TMEM143: variants seen among roughly 807,000 people sequenced by gnomAD.
TMEM143 encodes the protein transmembrane protein 143.
In TMEM143, 45 loss-of-function variants were observed where a neutral mutation model predicts 40.3. That is an observed-to-expected ratio of 1.12 (90% CI 0.88 to 1.43). The LOEUF is 1.43. Ranked by LOEUF, TMEM143 falls within the 40% of genes most tolerant of loss-of-function variation. The probability of loss-of-function intolerance (pLI) is 0.00; values close to 1 mark genes in which losing one functional copy is unlikely to be tolerated. For synonymous variants in TMEM143, 299 were observed against 282.7 expected (o/e 1.06, Z -0.58); for missense variants, 620 against 613.4 (o/e 1.01, Z -0.11).
At chr19:48,336,887 G>A (rs1039621076) in intron 6 of TMEM143, among the ~76,000 whole-genome samples, 2 of 151,778 alleles carry the variant, frequency 1.3e-5, no homozygotes, top group African/African-American at 4.8e-5. Context: ...TGGGCGTGGT[G>A]GTGGGTGCCT....
chr19:48,338,160 A>C (rs1969413649), intron 6 of TMEM143, among the ~76,000 whole-genome samples: 1 of 152,046 alleles, frequency 6.6e-6, no homozygotes, highest in Non-Finnish European at 1.5e-5. Flanking sequence ...CCCCTTCGCC[A>C]ACCTGTCAGT....
At chr19:48,341,598 G>A (rs767083187) in intron 6 of TMEM143, among the ~76,000 whole-genome samples, 4 of 152,116 alleles carry the variant, frequency 2.6e-5, no homozygotes, top group Non-Finnish European at 4.4e-5. Context: ...CCATGTGGGA[G>A]GCTCTATTCT....
intron 3 of TMEM143, among the ~76,000 whole-genome samples, chr19:48,353,735 A>C (rs1331080137): frequency 6.6e-6 from 1 of 151,720 alleles, no homozygotes; most frequent in Non-Finnish European, 1.5e-5. Context: ...ATCATACTAA[A>C]TTAGGGTGGA....
At chr19:48,348,936 G>T (rs579466) in intron 3 of TMEM143, among the ~76,000 whole-genome samples, 83,771 of 151,850 alleles carry the variant, frequency 0.55, 23,945 homozygotes, top group Admixed American at 0.64. Flanking sequence ...AGTAGTTTGG[G>T]AGGCCGAGAG....
chr19:48,363,526 C>T lies in TMEM143; in HGVS notation c.29G>A (p.Arg10Gln), dbSNP rs1426547647. Residue 10 changes from arginine (R) to glutamine (Q), a missense_variant, in exon 2 of 8, where the codon CGG becomes CAG. Physicochemically the swap from Arg to Gln is conservative, Grantham distance 43. Coordinates refer to ENST00000293261, the MANE Select transcript of TMEM143 (RefSeq NM_018273.4). MTVELWLRL[R>Q]GKGLAMLHVT... The stretch of plus-strand genomic sequence containing the variant: ...ATGCAGCATGGCTAGACCCTTTCCC[C>T]GGAGCCTAAACAGAGGAAAATGGGC... 1.9e-6 allele frequency: 3 copies of T among 1,608,582 alleles called. No individual in the cohort carries two copies. Among genetic ancestry groups the T allele is most frequent in the Non-Finnish European group, 2.5e-6 (3 of 1,177,018 alleles).
intron 3 of TMEM143, among the ~76,000 whole-genome samples, chr19:48,356,893 CTTTTTTTTTTTT>C (rs150265757): frequency 1.2e-4 from 6 of 50,388 alleles, no homozygotes; most frequent in Admixed American, 3.5e-4. Context: ...AGCACCTGGC[CTTTTTTTTTTTT>C]TTTTTTTTTT....
At chr19:48,334,680 A>C (rs1600892648) in intron 6 of TMEM143, among the ~76,000 whole-genome samples, 1 of 142,762 alleles carries the variant, frequency 7.0e-6, no homozygotes, top group African/African-American at 2.6e-5. Flanking sequence ...GAAGCTTTGA[A>C]CTCCCGGGCT....
rs552278917 is a variant in TMEM143, at chr19:48,345,366, G to C, written c.370-12C>G. 2.0e-6 allele frequency: 3 copies of C among 1,514,998 alleles called. No individual in the cohort carries two copies. The highest frequency in any genetic ancestry group is 4.8e-5 in the East Asian group (2 of 41,784). The allele number at this position is 1,514,998 out of a possible 1,614,324, so 93.8% of individuals were successfully genotyped here. A position where few individuals can be genotyped will look rare whatever the true frequency, so the allele number is the denominator to read the frequency against. On this transcript the variant is annotated splice_polypyrimidine_tract_variant and intron_variant, in intron 3 of 7. Coordinates refer to ENST00000293261, the MANE Select transcript of TMEM143 (RefSeq NM_018273.4). ...GGGTCATATAAGGCCTAAGAGGAGAGTCAGAGAGAAAAAGATGGGATAGGT... is the reference window on the plus strand; with the variant it reads ...GGGTCATATAAGGCCTAAGAGGAGACTCAGAGAGAAAAAGATGGGATAGGT...
intron 3 of TMEM143, among the ~76,000 whole-genome samples, chr19:48,354,920 G>A (rs1193079542): frequency 6.6e-6 from 1 of 152,000 alleles, no homozygotes; most frequent in Non-Finnish European, 1.5e-5. Context: ...CCCTGCCCCT[G>A]CCTCTGTTTA....
chr19:48,345,362 G>A lies in TMEM143; in HGVS notation c.370-8C>T, dbSNP rs1347095599. 1 of 1,519,466 alleles carries A rather than the reference G, an allele frequency of 6.6e-7. No individual in the cohort carries two copies. The highest frequency in any genetic ancestry group is 1.3e-5 in the South Asian group (1 of 75,878). 94.1% of individuals were successfully genotyped at this position (1,519,466 alleles called of 1,614,324 possible). ...GATGGGGTCATATAAGGCCTAAGAGGAGAGTCAGAGAGAAAAAGATGGGAT... is the reference window on the plus strand; with the variant it reads ...GATGGGGTCATATAAGGCCTAAGAGAAGAGTCAGAGAGAAAAAGATGGGAT... On this transcript the variant is annotated splice_region_variant and splice_polypyrimidine_tract_variant and intron_variant, in intron 3 of 7. Coordinates refer to ENST00000293261, the MANE Select transcript of TMEM143 (RefSeq NM_018273.4).
intron 4 of TMEM143, 48 bp downstream of exon 4, chr19:48,345,112 C>T: frequency 6.3e-7 from 1 of 1,592,484 alleles, no homozygotes; most frequent in Non-Finnish European, 8.6e-7. Context: ...GGCTCTGCCC[C>T]ACCCTAGAGG....
intron 4 of TMEM143, 24 bp downstream of exon 4, chr19:48,345,136 T>C (rs919000967): frequency 6.8e-6 from 11 of 1,609,618 alleles, no homozygotes; most frequent in Admixed American, 1.7e-5. Context: ...CCTGGGAGTT[T>C]TGTTCTCCTA....
At chr19:48,357,266 T>C (rs1159195250) in intron 3 of TMEM143, among the ~76,000 whole-genome samples, 1 of 151,240 alleles carries the variant, frequency 6.6e-6, no homozygotes, top group Non-Finnish European at 1.5e-5. Context: ...AGTACTACCA[T>C]CTATTAATAG....
intron 3 of TMEM143, among the ~76,000 whole-genome samples, chr19:48,356,116 T>C (rs1471179080): frequency 6.6e-6 from 1 of 151,692 alleles, no homozygotes; most frequent in Non-Finnish European, 1.5e-5. Flanking sequence ...CTTTTTCCTT[T>C]TTTTTTCTTT....
chr19:48,352,262 A>AAAAAAAAAAAAT (rs74518287), intron 3 of TMEM143, among the ~76,000 whole-genome samples: 1 of 145,062 alleles, frequency 6.9e-6, no homozygotes, highest in Non-Finnish European at 1.5e-5. Flanking sequence ...AAAAAAAAAA[A>AAAAAAAAAAAAT]CACCATATCT....
At chr19:48,359,046 G>A (rs1969973787) in intron 3 of TMEM143, among the ~76,000 whole-genome samples, 1 of 152,190 alleles carries the variant, frequency 6.6e-6, no homozygotes, top group African/African-American at 2.4e-5. Context: ...GTGGACGCCT[G>A]TGGTCCCAGC....
chr19:48,352,261 A>AAAAAAAAAAAAAC (rs930196732), intron 3 of TMEM143, among the ~76,000 whole-genome samples: 6 of 143,888 alleles, frequency 4.2e-5, no homozygotes, highest in African/African-American at 1.7e-4. Flanking sequence ...AAAAAAAAAA[A>AAAAAAAAAAAAAC]ACACCATATC....
At chr19:48,361,593 C>T (rs56403795) in intron 2 of TMEM143, among the ~76,000 whole-genome samples, 3,738 of 146,628 alleles carry the variant, frequency 0.025, 75 homozygotes, top group Non-Finnish European at 0.04. Flanking sequence ...TGCAGTGGCA[C>T]GATCTCGGCT....
intron 3 of TMEM143, 74 bp from the exon 4 acceptor site, chr19:48,345,428 C>T: frequency 1.0e-6 from 1 of 969,488 alleles, no homozygotes; most frequent in Non-Finnish European, 1.4e-6. Context: ...CTAAGGACAT[C>T]CCTCTCCAGA....
Sources: allele counts gnomAD v4.1 joint callset (sites outside exome capture counted in the v4.1 genomes callset), GRCh38; gene constraint gnomAD v4.1.1; transcripts MANE v1.5; gene names NCBI Gene and HGNC (gene_info 2026-07-23, HGNC 2026-07-21).